STAB1: variants seen among roughly 807,000 people sequenced by gnomAD.
STAB1 encodes stabilin 1, also known as stabilin-1.
STAB1 carries 250 observed loss-of-function variants against 332.4 expected under a neutral mutation model. That is an observed-to-expected ratio of 0.75 (90% confidence interval 0.68 to 0.84). The LOEUF is 0.84. STAB1 is among the 40% of genes least tolerant of loss of function. The pLI is 0.00. For synonymous variants in STAB1, 1,475 were observed against 1,390.4 expected, an observed-to-expected ratio of 1.06 and a Z score of -1.35; for missense variants, 3,249 against 3,489.7, an observed-to-expected ratio of 0.93 and a Z score of 1.74.
chr3:52,512,968 C>A lies in STAB1; in HGVS notation c.3158+10C>A, dbSNP rs750890002. 48 of 1,605,196 alleles carry A rather than the reference C, an allele frequency of 3.0e-5. No homozygotes were observed. The highest frequency in any genetic ancestry group is 3.7e-5 in the Non-Finnish European group (43 of 1,175,498). On this transcript the variant is annotated intron_variant, in intron 29 of 68. Coordinates refer to ENST00000321725, the MANE Select transcript of STAB1 (RefSeq NM_015136.3). Reference sequence around the variant, plus strand: ...TGCCGAACCTGGTCAGGTGGGGCCGCCATTGCCAGGCTGTGGGAGGGGCTT... The same window carrying A: ...TGCCGAACCTGGTCAGGTGGGGCCGACATTGCCAGGCTGTGGGAGGGGCTT...
intron 3 of STAB1, 51 bp downstream of exon 3, chr3:52,501,804 C>G: frequency 6.6e-7 from 1 of 1,521,928 alleles, no homozygotes; most frequent in Non-Finnish European, 8.9e-7. Context: ...AGCCCCAGCT[C>G]TGGGCAAGCC....
chr3:52,496,558 G>A (rs1708040840), intron 1 of STAB1, among the ~76,000 whole-genome samples: 1 of 152,180 alleles, frequency 6.6e-6, no homozygotes. Flanking sequence ...ACCAGGCCAG[G>A]GCTGGGGACA....
chr3:52,506,368 C>A (rs562207978), intron 17 of STAB1, 118 bp downstream of exon 17: 10 of 954,152 alleles, frequency 1.0e-5, no homozygotes, highest in African/African-American at 8.1e-5. Flanking sequence ...TAGGCCATGG[C>A]GGGCTCATGG....
In STAB1 at chr3:52,523,915, G is replaced by A. The variant is rs769683774; in HGVS notation, c.7440G>A (p.Val2480=). The change falls in exon 67 of 69, where the codon GTG becomes GTA. Residue 2480 remains valine (V), a synonymous_variant. Coordinates refer to ENST00000321725, the MANE Select transcript of STAB1 (RefSeq NM_015136.3). ...APEAPPVAAG[V]GAVLAAGALL... ...AAGCCCCACCTGTGGCGGCAGGCGT[G>A]GGGGCTGTGCTTGCCGCTGGAGCAC... The A allele has an allele frequency of 1.6e-5, 26 of 1,608,980 alleles. No individual in the cohort carries two copies. In the African/African-American group the frequency reaches 2.9e-4, roughly 18 times the overall value.
intron 45 of STAB1, 41 bp from the exon 46 acceptor site, chr3:52,518,271 T>C (rs2078943159): frequency 1.2e-6 from 2 of 1,607,928 alleles, no homozygotes; most frequent in South Asian, 1.1e-5. Context: ...AGGCCCTGAA[T>C]GGGGGCCGCC....
chr3:52,503,540 G>A lies in STAB1; in HGVS notation c.891G>A (p.Gln297=). 1 of 1,612,892 alleles carries A rather than the reference G, an allele frequency of 6.2e-7. No homozygotes were observed. Among genetic ancestry groups the A allele is most frequent in the Non-Finnish European group, 8.5e-7 (1 of 1,179,648 alleles). ...STLCVYQKPG[Q]AFCTCRPGLV... is the part of the protein sequence containing the mutation. ...TGTGTGTGTACCAGAAGCCGGGCCA[G>A]GTGAGCCAGGGTCCCAGGCCGGAAC... Residue 297 remains glutamine, a splice_region_variant and synonymous_variant, in exon 8 of 69, where the codon CAG becomes CAA. Coordinates refer to ENST00000321725, the MANE Select transcript of STAB1 (RefSeq NM_015136.3).
At position 52,503,327 on chromosome 3, in the gene STAB1, T is replaced by G; in HGVS notation, c.695-17T>G. On this transcript the variant is annotated splice_polypyrimidine_tract_variant and intron_variant, in intron 7 of 68. Transcript: ENST00000321725. ...CTGGGTGCTTGGCTCACTTGGGCTC[T>G]CTCTCTGCCCTGGCAGCCCCCAACC... 1 of 1,597,182 alleles carries G rather than the reference T, an allele frequency of 6.3e-7. No homozygotes were observed. Among genetic ancestry groups the G allele is most frequent in the Non-Finnish European group, 8.5e-7 (1 of 1,170,228 alleles).
chr3:52,505,971 T>A, intron 16 of STAB1, 35 bp downstream of exon 16: 1 of 1,612,312 alleles, frequency 6.2e-7, no homozygotes, highest in Non-Finnish European at 8.5e-7. Context: ...GGCCAGCTTG[T>A]ACCCGGTGGG....
rs757897658 is a variant in STAB1, at chr3:52,516,047, C to G, written c.3953C>G (p.Pro1318Arg). 6.2e-7 allele frequency: 1 copy of G among 1,607,506 alleles called. No individual in the cohort carries two copies. Among genetic ancestry groups the G allele is most frequent in the East Asian group, 2.2e-5 (1 of 44,764 alleles). ...SYTCAKKIQV[P>R]DCCPGFFGTL... ...CTCCCATCCCCACGCCGACAGGTGC[C>G]GGACTGCTGCCCTGGTTTCTTTGGC... The change falls in exon 38 of 69, where the codon CCG becomes CGG. Residue 1318 changes from proline to arginine, a missense_variant. Pro to Arg is a moderately radical substitution (Grantham distance 103, BLOSUM62 -2). Coordinates refer to ENST00000321725, the MANE Select transcript of STAB1 (RefSeq NM_015136.3).
rs201914626 is a variant in STAB1 at position 52,522,490 on chromosome 3, C to T, written c.6610+16C>T. On this transcript the variant is annotated intron_variant, in intron 60 of 68. Coordinates refer to ENST00000321725, the MANE Select transcript of STAB1 (RefSeq NM_015136.3). Reference sequence around the variant, plus strand: ...CACTTCCAGGGTGTGTCCCCCTGCCCACTCCCAGTACCCATTTCATTCCTC... The same window carrying T: ...CACTTCCAGGGTGTGTCCCCCTGCCTACTCCCAGTACCCATTTCATTCCTC... 2.5e-5 allele frequency: 40 copies of T among 1,613,140 alleles called. No homozygotes were observed. The East Asian group carries it at 8.2e-4, about 33-fold the overall frequency.
In STAB1 at chr3:52,518,842, G is replaced by GA; in HGVS notation, c.5007_5008insA (p.His1670ThrfsTer16). ...AGGGGTACGCCACGGCCCTCTCAGG[G>GA]CACCCACTGCGCTTCAGCGAGAGGG... On this transcript the variant is annotated frameshift_variant, in exon 48 of 69. Coordinates refer to ENST00000321725, the MANE Select transcript of STAB1 (RefSeq NM_015136.3). LOFTEE classifies it high-confidence loss of function. 6.2e-7 allele frequency: 1 copy of GA among 1,605,072 alleles called. No homozygotes were observed. Among genetic ancestry groups the GA allele is most frequent in the Non-Finnish European group, 8.5e-7 (1 of 1,178,340 alleles).
chr3:52,524,260 G>A (rs752509271), intron 68 of STAB1, 40 bp from the exon 69 acceptor site: 1 of 1,613,912 alleles, frequency 6.2e-7, no homozygotes, highest in Non-Finnish European at 8.5e-7. Flanking sequence ...ATGGGCCCAG[G>A]CCCTGGTCAC....
Position 52,505,110 on chromosome 3 carries a change from G to A in STAB1, c.1485G>A (p.Trp495Ter). The part of the protein sequence containing the change: ...GVFHVVTGLR[W>*]QAPSGTPGDP... The stretch of plus-strand genomic sequence containing the variant: ...TCCACGTGGTCACTGGCCTGCGGTG[G>A]CAGGCCCCCTCTGGGACCCCTGGGG... The change falls in exon 13 of 69, where the codon TGG becomes TGA. Residue 495 changes from tryptophan to a stop codon, truncating the protein, a stop_gained. Transcript: ENST00000321725. LOFTEE classifies it high-confidence loss of function. 1 of 1,613,432 alleles carries A rather than the reference G, an allele frequency of 6.2e-7. No individual in the cohort carries two copies. The highest frequency in any genetic ancestry group is 1.1e-5 in the South Asian group (1 of 91,086).
chr3:52,518,898 C>A (rs781776232), intron 48 of STAB1, 29 bp downstream of exon 48: 3 of 1,461,852 alleles, frequency 2.1e-6, no homozygotes, highest in Admixed American at 2.2e-5. Flanking sequence ...CTGCCCCGCT[C>A]CATCCCGCCC....
intron 37 of STAB1, 31 bp downstream of exon 37, chr3:52,515,537 T>A (rs770890653): frequency 6.2e-7 from 1 of 1,610,720 alleles, no homozygotes; most frequent in East Asian, 2.2e-5. Context: ...CCCAAGCCTG[T>A]CCAGAGAGAA....
In STAB1 at chr3:52,504,028, C is replaced by G. The variant is rs1377329662; in HGVS notation, c.1023C>G (p.Ser341Arg). 2.5e-6 allele frequency: 4 copies of G among 1,604,480 alleles called. No homozygotes were observed. Among genetic ancestry groups the G allele is most frequent in the Non-Finnish European group, 3.4e-6 (4 of 1,175,860 alleles). Residue 341 changes from serine (S) to arginine (R), a missense_variant and splice_region_variant, in exon 10 of 69, where the codon AGC becomes AGG. Transcript: ENST00000321725. Reference protein sequence around the residue: ...TCQVTADGKTSCVCRESEVGD... With the variant: ...TCQVTADGKTRCVCRESEVGD... ...TGACTGGCTCTCCCTGGGAGCCCAG[C>G]TGTGTGTGCAGGGAAAGCGAGGTGG...
Position 52,505,775 on chromosome 3 carries a change from C to T in STAB1, c.1689C>T (p.Phe563=). The change falls in exon 15 of 69, where the codon TTC becomes TTT. Residue 563 remains phenylalanine (F), a synonymous_variant. Coordinates refer to ENST00000321725, the MANE Select transcript of STAB1 (RefSeq NM_015136.3). ...SLRDGRLIYL[F]TAGLSKLQEL... ...GTGACGGCCGCCTGATCTACCTCTT[C>T]ACAGCGGTAAGCTCAGCGGGAGAAG... 1.2e-6 allele frequency: 2 copies of T among 1,613,862 alleles called. No homozygotes were observed. The highest frequency in any genetic ancestry group is 1.7e-6 in the Non-Finnish European group (2 of 1,180,004).
rs376341357 is a variant in STAB1 at position 52,516,257 on chromosome 3, C to T, written c.4144+19C>T. The T allele has an allele frequency of 6.3e-5, 52 of 826,830 alleles. No individual in the cohort carries two copies. The highest frequency in any genetic ancestry group is 2.4e-4 in the Admixed American group (11 of 45,474). 51.2% of individuals were successfully genotyped at this position (826,830 alleles called of 1,614,324 possible). A position where few individuals can be genotyped will look rare whatever the true frequency, so the allele number is the denominator to read the frequency against. ...ACCGGAGGTGAGGACTGGGGAGGGG[C>T]GGGGGTGGGCCTCCTGGCAGCAGAG... is the stretch of plus-strand genomic sequence containing the variant. On this transcript the variant is annotated intron_variant, in intron 38 of 68. Coordinates refer to ENST00000321725, the MANE Select transcript of STAB1 (RefSeq NM_015136.3).
Position 52,513,720 on chromosome 3 carries a change from G to A in STAB1, c.3274G>A (p.Val1092Ile), listed in dbSNP as rs776947793. 1 of 1,613,068 alleles carries A rather than the reference G, an allele frequency of 6.2e-7. No homozygotes were observed. The highest frequency in any genetic ancestry group is 8.5e-7 in the Non-Finnish European group (1 of 1,179,916). ...AAGCTCTGCTGCTGCCTTCCAGAGG[G>A]TCTGGGTGCAGAATGCCAGCGTGGA... ...RWEIRNISGR[V>I]WVQNASVDVA... The change falls in exon 31 of 69, where the codon GTC becomes ATC. Residue 1092 changes from valine (V) to isoleucine (I), a missense_variant. By Grantham distance (29) the Val-to-Ile change is conservative. Coordinates refer to ENST00000321725, the MANE Select transcript of STAB1 (RefSeq NM_015136.3).
Sources: gnomAD v4.1 joint callset for allele counts (sites outside exome capture counted in the v4.1 genomes callset) on GRCh38, gnomAD v4.1.1 for gene constraint, MANE v1.5 for transcripts, NCBI Gene and HGNC (gene_info 2026-07-23, HGNC 2026-07-21) for gene names.